The following CREB5 variants were observed in gnomAD, a reference collection of about 807,000 sequenced individuals.
The protein encoded by CREB5 is cyclic AMP-responsive element-binding protein 5.
A neutral mutation model predicts 57.1 loss-of-function variants in CREB5; 19 were observed. The ratio of observed to expected loss-of-function variants is 0.33; its 90% confidence interval spans 0.23 to 0.49. The LOEUF (loss-of-function observed/expected upper bound fraction) is 0.49, where lower values mean the gene tolerates loss of function less well. Ranked by LOEUF, CREB5 falls within the 20% of genes least tolerant of loss-of-function variation. The pLI, the probability that CREB5 is intolerant of heterozygous loss-of-function variation, is 0.99. For missense variants in CREB5, 579 were observed against 671.6 expected (o/e 0.86, Z 1.52); for synonymous variants, 238 against 238.3 (o/e 1.00, Z 0.01).
chr7:28,396,014 T>C lies in CREB5; in HGVS notation c.-25+96573T>C, dbSNP rs542317954. On this transcript the variant is annotated intron_variant, in intron 1 of 9. Transcript: ENST00000396299. ...CAATCATCAGCTCAATTAAACTGGT[T>C]ATTCTACAAATAACCTAGAAACAGC... is the stretch of plus-strand genomic sequence containing the variant. 1.4e-4 allele frequency among the ~76,000 whole-genome samples: 21 copies of C among 152,328 alleles called. No homozygotes were observed. In the South Asian group the frequency reaches 1.7e-3, roughly 12 times the overall value.
intron 4 of CREB5, among the ~76,000 whole-genome samples, chr7:28,542,314 ATTTATT>A (rs896087986): frequency 6.6e-6 from 1 of 152,160 alleles, no homozygotes; most frequent in African/African-American, 2.4e-5. Context: ...CCACTGTGCT[ATTTATT>A]TTTAGATACC....
intron 1 of CREB5, among the ~76,000 whole-genome samples, chr7:28,330,770 T>C (rs1785701182): frequency 1.3e-5 from 2 of 152,196 alleles, no homozygotes; most frequent in African/African-American, 4.8e-5. Flanking sequence ...GGTATGGTCA[T>C]AGAGACACAT....
At chr7:28,675,307 C>CAT (rs1800266450) in intron 5 of CREB5, among the ~76,000 whole-genome samples, 1 of 152,180 alleles carries the variant, frequency 6.6e-6, no homozygotes, top group Non-Finnish European at 1.5e-5. Context: ...TGTTTTGTTT[C>CAT]CTTCTGTGTC....
chr7:28,818,151 C>G lies in CREB5; in HGVS notation c.1335C>G (p.Ala445=). ...LLTHKDCPIT[A]MQKESQGYLS... The stretch of plus-strand genomic sequence containing the variant: ...CACATAAAGACTGCCCAATAACAGC[C>G]ATGCAGAAAGAATCACAAGGATATC... The change falls in exon 10 of 11, where the codon GCC becomes GCG. Residue 445 remains alanine (A), a synonymous_variant. Coordinates refer to ENST00000357727, the MANE Select transcript of CREB5 (RefSeq NM_182898.4). The G allele has an allele frequency of 6.2e-7, 1 of 1,613,148 alleles. No individual in the cohort carries two copies. The highest frequency in any genetic ancestry group is 8.5e-7 in the Non-Finnish European group (1 of 1,179,532).
chr7:28,365,196 G>A (rs1025319035), intron 1 of CREB5, among the ~76,000 whole-genome samples: 1 of 151,972 alleles, frequency 6.6e-6, no homozygotes, highest in African/African-American at 2.4e-5. Context: ...CTCTATTAAT[G>A]TCATTGCAAT....
At chr7:28,573,938 A>G (rs1005637654) in intron 5 of CREB5, among the ~76,000 whole-genome samples, 3 of 152,192 alleles carry the variant, frequency 2.0e-5, no homozygotes, top group East Asian at 3.8e-4. Context: ...CCTGCGCTCA[A>G]TTCTGTGAAA....
chr7:28,362,033 T>C (rs565626588), intron 1 of CREB5, among the ~76,000 whole-genome samples: 19 of 152,338 alleles, frequency 1.2e-4, no homozygotes, highest in Admixed American at 3.3e-4. Context: ...TGGTGAACCC[T>C]TTACATTTGG....
chr7:28,813,376 T>C (rs1193680669), intron 9 of CREB5, among the ~76,000 whole-genome samples: 1 of 152,204 alleles, frequency 6.6e-6, no homozygotes. Context: ...TGGTCACCCA[T>C]GGAAATAATT....
intron 7 of CREB5, among the ~76,000 whole-genome samples, chr7:28,780,856 G>A (rs1319623814): frequency 6.6e-6 from 1 of 151,748 alleles, no homozygotes; most frequent in African/African-American, 2.4e-5. Context: ...TTTTCTCCCT[G>A]TTTGCACTGT....
At chr7:28,759,539 T>C (rs1484769061) in intron 7 of CREB5, among the ~76,000 whole-genome samples, 1 of 152,250 alleles carries the variant, frequency 6.6e-6, no homozygotes, top group Non-Finnish European at 1.5e-5. Flanking sequence ...TTTTACAATG[T>C]ACACATTCAT....
At chr7:28,551,096 G>A (rs923415581) in intron 4 of CREB5, among the ~76,000 whole-genome samples, 3 of 151,882 alleles carry the variant, frequency 2.0e-5, no homozygotes, top group Non-Finnish European at 2.9e-5. Context: ...GGCAAGTGAA[G>A]TTGATGATTA....
chr7:28,813,878 GAAAAATGA>G (rs1809269678), intron 9 of CREB5, among the ~76,000 whole-genome samples: 1 of 151,842 alleles, frequency 6.6e-6, no homozygotes, highest in Admixed American at 6.5e-5. Context: ...AATTCGTTTA[GAAAAATGA>G]AAAAATGAAG....
intron 9 of CREB5, among the ~76,000 whole-genome samples, chr7:28,816,052 T>TACACACAC (rs1390061492): frequency 8.6e-6 from 1 of 116,958 alleles, no homozygotes; most frequent in African/African-American, 3.5e-5. Flanking sequence ...AGCAAATATA[T>TACACACAC]ACGCACACAC....
At chr7:28,600,474 C>G (rs767172671) in intron 5 of CREB5, among the ~76,000 whole-genome samples, 33 of 152,102 alleles carry the variant, frequency 2.2e-4, no homozygotes, top group Admixed American at 6.5e-4. Context: ...CTGTAGCAGG[C>G]AAATGCTAAT....
chr7:28,497,992 G>C, intron 3 of CREB5, among the ~76,000 whole-genome samples: 1 of 152,104 alleles, frequency 6.6e-6, no homozygotes, highest in Non-Finnish European at 1.5e-5. Flanking sequence ...TTGTCATACT[G>C]TCCATGATGA....
At chr7:28,510,154 C>A (rs1269047033) in intron 4 of CREB5, among the ~76,000 whole-genome samples, 1 of 152,202 alleles carries the variant, frequency 6.6e-6, no homozygotes, top group Non-Finnish European at 1.5e-5. Context: ...ATTCTTTTAC[C>A]TACCCCTTTG....
At chr7:28,657,395 T>A (rs967865531) in intron 5 of CREB5, among the ~76,000 whole-genome samples, 2 of 152,098 alleles carry the variant, frequency 1.3e-5, no homozygotes, top group Admixed American at 6.5e-5. Flanking sequence ...AATTGTATTC[T>A]CCACCACCCC....
At chr7:28,480,717 T>A (rs1352601234) in intron 1 of CREB5, among the ~76,000 whole-genome samples, 3 of 152,248 alleles carry the variant, frequency 2.0e-5, no homozygotes, top group Non-Finnish European at 4.4e-5. Flanking sequence ...TTTAGAGATG[T>A]GATGTCTTCT....
intron 5 of CREB5, among the ~76,000 whole-genome samples, chr7:28,572,193 G>A (rs977459405): frequency 5.3e-5 from 8 of 152,208 alleles, no homozygotes; most frequent in South Asian, 2.1e-4. Flanking sequence ...AATGGGTAAT[G>A]GGTAATGACC....
Sources: allele counts gnomAD v4.1 joint callset (sites outside exome capture counted in the v4.1 genomes callset), GRCh38; gene constraint gnomAD v4.1.1; transcripts MANE v1.5; gene names NCBI Gene and HGNC (gene_info 2026-07-23, HGNC 2026-07-21).